MYO1E: variants seen among roughly 807,000 people sequenced by gnomAD.
The protein encoded by MYO1E is unconventional myosin-Ie.
MYO1E carries 68 observed loss-of-function variants against 151.1 expected under a neutral mutation model. The ratio of observed to expected loss-of-function variants is 0.45; its 90% CI spans 0.37 to 0.55. The LOEUF (loss-of-function observed/expected upper bound fraction) is 0.55, where lower values mean the gene tolerates loss of function less well. MYO1E is among the 20% of genes least tolerant of loss of function. MYO1E has a pLI of 0.00. For missense variants in MYO1E, 1,363 were observed against 1,389.3 expected, an observed-to-expected ratio of 0.98 and a Z score of 0.30; for synonymous variants, 601 against 501.7, an observed-to-expected ratio of 1.20 and a Z score of -2.64.
chr15:59,355,770 C>G (rs1054567528), intron 1 of MYO1E, among the ~76,000 whole-genome samples: 5 of 151,918 alleles, frequency 3.3e-5, no homozygotes, highest in Non-Finnish European at 7.4e-5. Context: ...GGCTGGAGTA[C>G]AGTGGCATGA....
intron 1 of MYO1E, among the ~76,000 whole-genome samples, chr15:59,340,669 AAAG>A (rs1250383571): frequency 6.6e-6 from 1 of 152,224 alleles, no homozygotes; most frequent in East Asian, 1.9e-4. Flanking sequence ...TTTAATGTCC[AAAG>A]TAAAACTAAC....
intron 1 of MYO1E, among the ~76,000 whole-genome samples, chr15:59,282,003 A>G (rs528134220): frequency 3.9e-5 from 6 of 152,242 alleles, no homozygotes; most frequent in African/African-American, 1.4e-4. Context: ...ATTGTAAAAT[A>G]CACCAGTGTG....
At chr15:59,241,166 G>C (rs2080097433) in intron 4 of MYO1E, among the ~76,000 whole-genome samples, 1 of 152,180 alleles carries the variant, frequency 6.6e-6, no homozygotes, top group Admixed American at 6.5e-5. Flanking sequence ...GATGAAGCCT[G>C]AGCCATACAT....
chr15:59,222,941 A>G, intron 9 of MYO1E, 118 bp downstream of exon 9: 1 of 1,469,898 alleles, frequency 6.8e-7, no homozygotes, highest in Non-Finnish European at 9.4e-7. Flanking sequence ...GAGGACATGT[A>G]GATTTATCAC....
At chr15:59,315,663 T>A (rs1339168480) in intron 1 of MYO1E, among the ~76,000 whole-genome samples, 2 of 152,304 alleles carry the variant, frequency 1.3e-5, no homozygotes, top group East Asian at 3.9e-4. Context: ...GATACTTATA[T>A]CACTTCATCA....
At chr15:59,195,715 C>G (rs2079762417) in intron 16 of MYO1E, 148 bp from the exon 17 acceptor site, 1 of 808,768 alleles carries the variant, frequency 1.2e-6, no homozygotes, top group African/African-American at 1.7e-5. Context: ...CTCAGGTCTA[C>G]TAAACTTTCC....
intron 17 of MYO1E, among the ~76,000 whole-genome samples, chr15:59,189,473 G>A (rs1269360444): frequency 6.6e-6 from 1 of 151,342 alleles, no homozygotes. Context: ...AGGCTGGAGT[G>A]GAGTGGCAAA....
intron 2 of MYO1E, among the ~76,000 whole-genome samples, chr15:59,262,886 T>C (rs1178780168): frequency 1.3e-5 from 2 of 152,194 alleles, no homozygotes; most frequent in Admixed American, 6.5e-5. Flanking sequence ...AACAATCAAC[T>C]AATTTGAATT....
rs758872948 is a variant in MYO1E at position 59,174,212 on chromosome 15, C to T, written c.2078G>A (p.Arg693Lys). ...SLFLLEEMRERKYDGYARVIQ... is the reference protein window; with the variant it reads ...SLFLLEEMREKKYDGYARVIQ... ...CACTCGAGCATACCCATCATACTTT[C>T]TCTCTCTCATCTCTTCTAAAAGAAA... is the stretch of plus-strand genomic sequence containing the variant. The change falls in exon 20 of 28, where the codon AGA (arginine) becomes AAA (lysine). Residue 693 changes from arginine to lysine, a missense_variant. By Grantham distance (26) the Arg-to-Lys change is conservative. Transcript: ENST00000288235. 1 of 1,613,660 alleles carries T rather than the reference C, an allele frequency of 6.2e-7. No homozygotes were observed.
chr15:59,332,028 T>G (rs1246558165), intron 1 of MYO1E, among the ~76,000 whole-genome samples: 1 of 152,228 alleles, frequency 6.6e-6, no homozygotes, highest in Non-Finnish European at 1.5e-5. Flanking sequence ...AAATCTAGGT[T>G]CTAGATAAAA....
chr15:59,286,528 CACTT>C (rs1415755722), intron 1 of MYO1E, among the ~76,000 whole-genome samples: 18 of 152,270 alleles, frequency 1.2e-4, no homozygotes, highest in African/African-American at 4.3e-4. Flanking sequence ...TGTCATCTCT[CACTT>C]AGGGGTACTG....
Position 59,317,659 on chromosome 15 carries a change from C to T in MYO1E, c.4-45210G>A, listed in dbSNP as rs184605236. 3.4e-3 allele frequency among the ~76,000 whole-genome samples: 521 copies of T among 152,144 alleles called. 2 individuals are homozygous for T. Among genetic ancestry groups the T allele is most frequent in the African/African-American group, 0.012 (499 of 41,480 alleles). On this transcript the variant is annotated intron_variant, in intron 1 of 27. Coordinates refer to ENST00000288235, the MANE Select transcript of MYO1E (RefSeq NM_004998.4). ...GGGTACAGGTGGAATTTCTGTTCTT[C>T]GGAACAGTAAACCCTGTGTAAGAAA...
chr15:59,187,682 G>C (rs185432778), intron 18 of MYO1E, among the ~76,000 whole-genome samples: 1 of 152,176 alleles, frequency 6.6e-6, no homozygotes, highest in Non-Finnish European at 1.5e-5. Context: ...AACAACTGAC[G>C]TTTATCAACT....
intron 3 of MYO1E, among the ~76,000 whole-genome samples, chr15:59,260,149 C>A (rs761430563): frequency 3.3e-5 from 5 of 152,192 alleles, no homozygotes; most frequent in Non-Finnish European, 7.4e-5. Context: ...GTGTATACAG[C>A]AACCCTTTTC....
At chr15:59,364,526 G>A (rs570797681) in intron 1 of MYO1E, among the ~76,000 whole-genome samples, 114 of 152,284 alleles carry the variant, frequency 7.5e-4, no homozygotes, top group African/African-American at 2.7e-3. Flanking sequence ...TAACAAATAT[G>A]CTTATCAAGA....
chr15:59,268,832 A>G (rs1566997373), intron 2 of MYO1E, among the ~76,000 whole-genome samples: 1 of 149,104 alleles, frequency 6.7e-6, no homozygotes, highest in Non-Finnish European at 1.5e-5. Flanking sequence ...TATATAAGAC[A>G]TAGTCCCTGC....
intron 1 of MYO1E, among the ~76,000 whole-genome samples, chr15:59,312,111 C>T (rs1414366319): frequency 1.3e-5 from 2 of 152,192 alleles, no homozygotes; most frequent in African/African-American, 4.8e-5. Context: ...GAACTTTCAT[C>T]ACAAAATAAA....
intron 6 of MYO1E, among the ~76,000 whole-genome samples, chr15:59,229,677 C>A (rs1228015155): frequency 1.4e-5 from 2 of 144,206 alleles, no homozygotes; most frequent in South Asian, 2.2e-4. Context: ...GTAATACATT[C>A]TTTAACTTGA....
At chr15:59,322,117 G>T (rs2080630082) in intron 1 of MYO1E, among the ~76,000 whole-genome samples, 1 of 149,440 alleles carries the variant, frequency 6.7e-6, no homozygotes, top group South Asian at 2.1e-4. Flanking sequence ...GGAGGTTGCA[G>T]TGAGCCAAGT....
Sources: allele counts gnomAD v4.1 joint callset (sites outside exome capture counted in the v4.1 genomes callset), GRCh38; gene constraint gnomAD v4.1.1; transcripts MANE v1.5; gene names NCBI Gene and HGNC (gene_info 2026-07-23, HGNC 2026-07-21).